LRBA: variants seen among roughly 807,000 people sequenced by gnomAD.
The protein encoded by LRBA is LPS responsive beige-like anchor protein, also known as lipopolysaccharide-responsive and beige-like anchor protein.
In LRBA, 176 loss-of-function variants were observed where a neutral mutation model predicts 330.0. That is an observed-to-expected ratio of 0.53 (90% CI 0.47 to 0.60). The LOEUF (loss-of-function observed/expected upper bound fraction) is 0.60, where lower values mean the gene tolerates loss of function less well. Ranked by LOEUF, LRBA falls within the 20% of genes least tolerant of loss-of-function variation. The pLI, the probability that LRBA is intolerant of heterozygous loss-of-function variation, is 0.00. For missense variants in LRBA, 3,259 were observed against 3,444.8 expected (o/e 0.95, Z 1.35); for synonymous variants, 1,230 against 1,193.0 (o/e 1.03, Z -0.64).
chr4:150,806,506 A>T lies in LRBA; in HGVS notation c.5385-102T>A, dbSNP rs534637834. On this transcript the variant is annotated intron_variant, in intron 32 of 56. Coordinates refer to ENST00000651943, the MANE Select transcript of LRBA (RefSeq NM_001364905.1). ...TTTCCATATATATATATAATTATTT[A>T]AAAAAATTAAAAATCACCTAAAGAG... 3.3e-5 allele frequency: 21 copies of T among 632,792 alleles called. No homozygotes were observed. In the South Asian group the frequency reaches 5.2e-4, roughly 16 times the overall value. 39.2% of individuals were successfully genotyped at this position (632,792 alleles called of 1,614,324 possible).
At chr4:150,905,784 C>T (rs1175452702) in intron 13 of LRBA, 54 bp downstream of exon 13, 129 of 1,446,244 alleles carry the variant, frequency 8.9e-5, no homozygotes, top group Middle Eastern at 1.8e-4. Context: ...ACTCTCCTCA[C>T]GCACAAAAAC....
intron 37 of LRBA, among the ~76,000 whole-genome samples, chr4:150,636,567 G>A (rs1443187711): frequency 1.3e-5 from 2 of 152,176 alleles, no homozygotes; most frequent in Non-Finnish European, 2.9e-5. Context: ...AGAAGATCAA[G>A]GCTTTAGGTG....
At chr4:150,344,485 G>C (rs141313332) in intron 48 of LRBA, among the ~76,000 whole-genome samples, 16 of 152,198 alleles carry the variant, frequency 1.1e-4, no homozygotes, top group Non-Finnish European at 2.2e-4. Flanking sequence ...TCTTCTTTCA[G>C]ATTCTAAACA....
chr4:150,768,063 C>CAAAAA lies in LRBA; in HGVS notation c.5581-6221_5581-6217dup, dbSNP rs777328686. 1.2e-4 allele frequency among the ~76,000 whole-genome samples: 7 copies of CAAAAA among 58,018 alleles called. No individual in the cohort carries two copies. In the East Asian group the frequency reaches 3.5e-3, roughly 29 times the overall value. The allele number at this position is 58,018 out of a possible 152,430, so 38.1% of individuals were successfully genotyped here. On this transcript the variant is annotated intron_variant, in intron 34 of 56. Coordinates refer to ENST00000651943, the MANE Select transcript of LRBA (RefSeq NM_001364905.1). The stretch of plus-strand genomic sequence containing the variant: ...TGGGCAACAGAATGAGACTCTGTCT[C>CAAAAA]AAAAAAAAAAAAAAAAAAAAGTTTT...
At chr4:150,467,452 T>C (rs1372159445) in intron 44 of LRBA, among the ~76,000 whole-genome samples, 3 of 152,090 alleles carry the variant, frequency 2.0e-5, no homozygotes, top group Non-Finnish European at 4.4e-5. Flanking sequence ...ACTAAATTAA[T>C]GAATCCATGC....
In LRBA at chr4:150,412,068, A is replaced by T. The variant is rs1023709178; in HGVS notation, c.7194+3370T>A. Among the ~76,000 whole-genome samples, 20 of 152,204 alleles carry T rather than the reference A, an allele frequency of 1.3e-4. 1 individual carries two copies. Among genetic ancestry groups the T allele is most frequent in the Admixed American group, 1.2e-3 (18 of 15,272 alleles). On this transcript the variant is annotated intron_variant, in intron 47 of 56. Transcript: ENST00000651943. ...GTAAAATAAATATTTTGAATGAATGAATGAGGTATTAAATTCTTTCATAAA... is the reference window on the plus strand; with the variant it reads ...GTAAAATAAATATTTTGAATGAATGTATGAGGTATTAAATTCTTTCATAAA...
At position 150,914,456 on chromosome 4, in the gene LRBA, A is replaced by C. The variant is rs1732354216; in HGVS notation, c.1015-115T>G. ...ATTCTAAACTGTATCTAAATAGACT[A>C]ACATAATTTATACCATAAAACCATT... is the stretch of plus-strand genomic sequence containing the variant. On this transcript the variant is annotated intron_variant, in intron 8 of 56. Coordinates refer to ENST00000651943, the MANE Select transcript of LRBA (RefSeq NM_001364905.1). 5.0e-6 allele frequency: 3 copies of C among 600,556 alleles called. No homozygotes were observed. The East Asian group carries it at 8.9e-5, about 18-fold the overall frequency. The allele number at this position is 600,556 out of a possible 1,614,324, so 37.2% of individuals were successfully genotyped here. A position where few individuals can be genotyped will look rare whatever the true frequency, so the allele number is the denominator to read the frequency against.
chr4:150,667,157 C>A (rs1315013314), intron 37 of LRBA, among the ~76,000 whole-genome samples: 1 of 152,190 alleles, frequency 6.6e-6, no homozygotes, highest in East Asian at 1.9e-4. Context: ...AGGATAGACA[C>A]TGTGCTAGGC....
chr4:150,573,773 T>C (rs1233177189), intron 40 of LRBA, among the ~76,000 whole-genome samples: 2 of 152,194 alleles, frequency 1.3e-5, no homozygotes, highest in African/African-American at 2.4e-5. Flanking sequence ...TTTATGCTTG[T>C]CAGATCTTCT....
At chr4:150,757,364 T>C (rs1734453958) in intron 35 of LRBA, among the ~76,000 whole-genome samples, 1 of 152,198 alleles carries the variant, frequency 6.6e-6, no homozygotes, top group South Asian at 2.1e-4. Flanking sequence ...TACTTATGTC[T>C]GAACTTAGTA....
intron 36 of LRBA, among the ~76,000 whole-genome samples, chr4:150,733,096 T>C (rs1582180919): frequency 6.6e-6 from 1 of 152,082 alleles, no homozygotes; most frequent in South Asian, 2.1e-4. Flanking sequence ...TCAACTCTAC[T>C]GTTATTTTAA....
At chr4:150,697,096 G>A (rs549199661) in intron 36 of LRBA, among the ~76,000 whole-genome samples, 1 of 151,158 alleles carries the variant, frequency 6.6e-6, no homozygotes, top group South Asian at 2.1e-4. Flanking sequence ...AGAGGCCAAG[G>A]CGGGTGGATC....
At chr4:150,533,883 C>T (rs527271855) in intron 40 of LRBA, among the ~76,000 whole-genome samples, 66 of 152,180 alleles carry the variant, frequency 4.3e-4, no homozygotes, top group Non-Finnish European at 7.5e-4. Context: ...AATCTCCATT[C>T]CACCACCTTC....
chr4:150,550,331 G>A (rs1044107564), intron 40 of LRBA, among the ~76,000 whole-genome samples: 4 of 151,890 alleles, frequency 2.6e-5, no homozygotes, highest in Non-Finnish European at 5.9e-5. Context: ...CATACTAAAG[G>A]ATTATTGAAT....
chr4:150,905,023 C>T (rs934352722), intron 13 of LRBA, among the ~76,000 whole-genome samples: 1 of 152,044 alleles, frequency 6.6e-6, no homozygotes, highest in Non-Finnish European at 1.5e-5. Context: ...AAGACGGATA[C>T]AATTATGCAA....
In LRBA at chr4:150,897,780, G is replaced by A. The variant is rs199750191; in HGVS notation, c.1963C>T (p.Arg655Ter). 11 of 1,612,076 alleles carry A rather than the reference G, an allele frequency of 6.8e-6. No homozygotes were observed. Among genetic ancestry groups the A allele is most frequent in the East Asian group, 2.2e-5 (1 of 44,742 alleles). Residue 655 changes from arginine to a stop codon, truncating the protein, a stop_gained, in exon 15 of 57, where the codon CGA (arginine) becomes TGA (stop). Coordinates refer to ENST00000651943, the MANE Select transcript of LRBA (RefSeq NM_001364905.1). LOFTEE classifies it high-confidence loss of function. ...RPNQKEMLSL[R>*]AFLLMFIKQL... ...TTAATGAACATCAACAAGAATGCTC[G>A]TAGAGAAAGCATTTCTTTTTGATTA...
At chr4:150,273,747 GCAA>G (rs1256674071) in intron 56 of LRBA, among the ~76,000 whole-genome samples, 3 of 152,020 alleles carry the variant, frequency 2.0e-5, no homozygotes, top group African/African-American at 4.8e-5. Flanking sequence ...AGGGATCAAT[GCAA>G]CAACAAGACC....
intron 40 of LRBA, among the ~76,000 whole-genome samples, chr4:150,501,743 C>T (rs1056777432): frequency 6.6e-6 from 1 of 152,124 alleles, no homozygotes; most frequent in African/African-American, 2.4e-5. Context: ...GGTCAGAATA[C>T]TTCCACTTTT....
chr4:150,943,919 G>C (rs1048158121), intron 2 of LRBA, among the ~76,000 whole-genome samples: 1 of 152,076 alleles, frequency 6.6e-6, no homozygotes, highest in Non-Finnish European at 1.5e-5. Flanking sequence ...TCATTCTAAG[G>C]AAAATCAGTC....
Sources: allele counts gnomAD v4.1 joint callset (sites outside exome capture counted in the v4.1 genomes callset), GRCh38; gene constraint gnomAD v4.1.1; transcripts MANE v1.5; gene names NCBI Gene and HGNC (gene_info 2026-07-23, HGNC 2026-07-21).